The following MYO5B variants were observed in gnomAD, a reference collection of about 807,000 sequenced individuals.
MYO5B encodes myosin VB.
A neutral mutation model predicts 229.3 loss-of-function variants in MYO5B; 143 were observed. The ratio of observed to expected loss-of-function variants is 0.62; its 90% CI spans 0.54 to 0.72. MYO5B has a LOEUF of 0.72. Ranked by LOEUF, MYO5B falls within the 30% of genes least tolerant of loss-of-function variation. The pLI is 0.00. For synonymous variants in MYO5B, 918 were observed against 885.2 expected, an observed-to-expected ratio of 1.04 and a Z score of -0.66; for missense variants, 2,321 against 2,331.0, an observed-to-expected ratio of 1.00 and a Z score of 0.09.
intron 27 of MYO5B, among the ~76,000 whole-genome samples, chr18:49,867,364 T>C (rs1209842094): frequency 6.6e-6 from 1 of 152,126 alleles, no homozygotes; most frequent in Non-Finnish European, 1.5e-5. Flanking sequence ...TGTGCAGCTG[T>C]AGTCCCCACG....
chr18:50,064,886 G>A (rs1046382731), intron 1 of MYO5B, among the ~76,000 whole-genome samples: 2 of 152,250 alleles, frequency 1.3e-5, no homozygotes, highest in Admixed American at 1.3e-4. Context: ...TCTCTTCTGC[G>A]AACCACTTCA....
intron 4 of MYO5B, among the ~76,000 whole-genome samples, chr18:50,005,726 T>C (rs2026094289): frequency 6.6e-6 from 1 of 152,202 alleles, no homozygotes; most frequent in Non-Finnish European, 1.5e-5. Context: ...ATATTTCTTA[T>C]AAGATGATGG....
intron 1 of MYO5B, among the ~76,000 whole-genome samples, chr18:50,167,242 T>C (rs2032865146): frequency 6.6e-6 from 1 of 152,234 alleles, no homozygotes; most frequent in Non-Finnish European, 1.5e-5. Flanking sequence ...AATTCACAAC[T>C]TGAAAACTCA....
At chr18:49,954,187 G>C in intron 13 of MYO5B, 126 bp downstream of exon 13, 1 of 1,417,060 alleles carries the variant, frequency 7.1e-7, no homozygotes. Context: ...GATGGAAGGG[G>C]AACCTAGCTG....
chr18:49,854,730 G>A (rs947748733), intron 30 of MYO5B, among the ~76,000 whole-genome samples: 6 of 152,224 alleles, frequency 3.9e-5, no homozygotes, highest in Admixed American at 1.3e-4. Flanking sequence ...GTTGGAGGCC[G>A]TGGCTGCCCT....
rs78345887 is a variant in MYO5B, at chr18:50,129,963, C to G, written c.27+64804G>C. ...ACTTTTTTTCCCAATGACCACCGCC[C>G]CACCTCCTGCAGTCTTCCTTCAAAC... On this transcript the variant is annotated intron_variant, in intron 1 of 39. Transcript: ENST00000285039. Among the ~76,000 whole-genome samples, 1,199 of 152,280 alleles carry G rather than the reference C, an allele frequency of 7.9e-3. 16 individuals are homozygous for G. Among genetic ancestry groups the G allele is most frequent in the African/African-American group, 0.027 (1,136 of 41,556 alleles).
chr18:49,949,428 T>G (rs1284261753), intron 14 of MYO5B, among the ~76,000 whole-genome samples: 1 of 152,202 alleles, frequency 6.6e-6, no homozygotes, highest in Non-Finnish European at 1.5e-5. Flanking sequence ...TCTCTTTACT[T>G]AAGTCTCTAT....
chr18:50,059,129 C>A (rs1598988838), intron 1 of MYO5B, among the ~76,000 whole-genome samples: 1 of 152,310 alleles, frequency 6.6e-6, no homozygotes, highest in African/African-American at 2.4e-5. Flanking sequence ...TGTTGGGCAT[C>A]TTTGTATCCC....
chr18:50,108,240 TTC>T (rs2031797808), intron 1 of MYO5B, among the ~76,000 whole-genome samples: 1 of 152,220 alleles, frequency 6.6e-6, no homozygotes, highest in African/African-American at 2.4e-5. Context: ...ACTCCTTTGC[TTC>T]TCTTATAATT....
intron 1 of MYO5B, among the ~76,000 whole-genome samples, chr18:50,134,465 G>C (rs924743384): frequency 1.3e-5 from 2 of 151,942 alleles, no homozygotes; most frequent in African/African-American, 4.8e-5. Flanking sequence ...TGAGGCAGGA[G>C]AATCACTTGA....
At chr18:50,046,865 CT>C (rs1336528620) in intron 2 of MYO5B, among the ~76,000 whole-genome samples, 1 of 152,096 alleles carries the variant, frequency 6.6e-6, no homozygotes, top group Non-Finnish European at 1.5e-5. Context: ...ATAAATGGTG[CT>C]GGGAAAACTG....
intron 1 of MYO5B, among the ~76,000 whole-genome samples, chr18:50,174,873 C>A (rs185158863): frequency 1.7e-4 from 26 of 152,282 alleles, no homozygotes; most frequent in Middle Eastern, 3.4e-3. Context: ...AGGTGTCTGG[C>A]CTCAGACATC....
intron 1 of MYO5B, among the ~76,000 whole-genome samples, chr18:50,092,743 G>T (rs900452253): frequency 3.9e-5 from 6 of 152,156 alleles, no homozygotes; most frequent in African/African-American, 1.4e-4. Context: ...AACTGAAGGG[G>T]AAGAGGAAAT....
chr18:49,991,830 T>C (rs113744624), intron 6 of MYO5B, among the ~76,000 whole-genome samples: 2 of 152,036 alleles, frequency 1.3e-5, no homozygotes, highest in East Asian at 3.9e-4. Context: ...TAATTTTTTT[T>C]AAAAAATGGG....
At chr18:50,063,240 G>C (rs535664021) in intron 1 of MYO5B, among the ~76,000 whole-genome samples, 1 of 152,220 alleles carries the variant, frequency 6.6e-6, no homozygotes, top group South Asian at 2.1e-4. Flanking sequence ...CTGAGTTTCC[G>C]TTTACTCATT....
At position 49,877,719 on chromosome 18, in the gene MYO5B, C is replaced by G. The variant is rs375064300; in HGVS notation, c.3396+44G>C. ...AGTTCCACACAGAAAAAAACACACA[C>G]TCCCTCTGGAGGAGGACAGTACCCA... On this transcript the variant is annotated intron_variant, in intron 25 of 39. Transcript: ENST00000285039. 4.3e-6 allele frequency: 7 copies of G among 1,612,510 alleles called. No homozygotes were observed. The South Asian group carries it at 5.5e-5, about 13-fold the overall frequency.
At chr18:50,009,264 G>A (rs185084193) in intron 4 of MYO5B, among the ~76,000 whole-genome samples, 1 of 152,124 alleles carries the variant, frequency 6.6e-6, no homozygotes, top group Non-Finnish European at 1.5e-5. Flanking sequence ...TGTAATCCCA[G>A]CTACTTGGGA....
chr18:50,021,162 G>C (rs2026269888), intron 4 of MYO5B, among the ~76,000 whole-genome samples: 1 of 152,334 alleles, frequency 6.6e-6, no homozygotes, highest in South Asian at 2.1e-4. Context: ...GAGCCATTGA[G>C]TGTCAAACAG....
At chr18:50,100,393 T>C (rs2031632688) in intron 1 of MYO5B, among the ~76,000 whole-genome samples, 1 of 152,196 alleles carries the variant, frequency 6.6e-6, no homozygotes, top group African/African-American at 2.4e-5. Context: ...CAGCTTCCTT[T>C]GGTATCTGTG....
Sources: allele counts gnomAD v4.1 joint callset (sites outside exome capture counted in the v4.1 genomes callset), GRCh38; gene constraint gnomAD v4.1.1; transcripts MANE v1.5; gene names NCBI Gene and HGNC (gene_info 2026-07-23, HGNC 2026-07-21).